The following CLPB variants were observed in gnomAD, a reference collection of about 807,000 sequenced individuals.
CLPB encodes the protein mitochondrial disaggregase.
Under a neutral mutation model 78.4 loss-of-function variants are expected in CLPB, and 40 were observed. The observed-to-expected ratio is 0.51, with a 90% CI of 0.40 to 0.66. CLPB has a LOEUF of 0.66. Ranked by LOEUF, CLPB falls within the 30% of genes least tolerant of loss-of-function variation. The probability of loss-of-function intolerance (pLI) is 0.00; values close to 1 mark genes in which losing one functional copy is unlikely to be tolerated. For missense variants in CLPB, 780 were observed against 886.9 expected, an observed-to-expected ratio of 0.88 and a Z score of 1.53; for synonymous variants, 333 against 348.0, an observed-to-expected ratio of 0.96 and a Z score of 0.48.
intron 6 of CLPB, among the ~76,000 whole-genome samples, chr11:72,321,603 A>G (rs1950045049): frequency 6.6e-6 from 1 of 152,162 alleles, no homozygotes; most frequent in Non-Finnish European, 1.5e-5. Context: ...CAGAAGGGAT[A>G]TGGCAGGCAT....
Position 72,433,437 on chromosome 11 carries a change from G to A in CLPB, c.403+635C>T, listed in dbSNP as rs544104423. Among the ~76,000 whole-genome samples, 5 of 152,126 alleles carry A rather than the reference G, an allele frequency of 3.3e-5. No homozygotes were observed. In the East Asian group the frequency reaches 7.7e-4, roughly 24 times the overall value. Reference sequence around the variant, plus strand: ...CACCTGTAGTCCCAGCTACTTGGGAGGCTAAGGCAGGAGAATAGCTTGAAC... The same window carrying A: ...CACCTGTAGTCCCAGCTACTTGGGAAGCTAAGGCAGGAGAATAGCTTGAAC... On this transcript the variant is annotated intron_variant, in intron 1 of 15. Coordinates refer to ENST00000538039, the MANE Select transcript of CLPB (RefSeq NM_001258392.3).
chr11:72,364,191 T>A (rs973769045), intron 4 of CLPB, among the ~76,000 whole-genome samples: 11 of 152,110 alleles, frequency 7.2e-5, no homozygotes, highest in African/African-American at 2.7e-4. Flanking sequence ...TCCAATTACT[T>A]TTTATTTATT....
At chr11:72,311,114 C>G (rs966337362) in intron 7 of CLPB, 1 of 152,050 alleles carries the variant, frequency 6.6e-6, no homozygotes, top group Non-Finnish European at 1.5e-5. Flanking sequence ...CTAATAATAT[C>G]TGAAGAGAAA....
chr11:72,292,174 T>TAG lies in CLPB; in HGVS notation c.*1191_*1192dup, dbSNP rs770596884. The TAG allele has an allele frequency of 2.0e-5, 3 of 152,192 alleles. No individual in the cohort carries two copies. The highest frequency in any genetic ancestry group is 4.4e-5 in the Non-Finnish European group (3 of 68,112). 9.4% of individuals were successfully genotyped at this position (152,192 alleles called of 1,614,324 possible). A position where few individuals can be genotyped will look rare whatever the true frequency, so the allele number is the denominator to read the frequency against. On this transcript the variant is annotated 3_prime_UTR_variant, in exon 16 of 16. Coordinates refer to ENST00000538039, the MANE Select transcript of CLPB (RefSeq NM_001258392.3). Reference sequence around the variant, plus strand: ...GACTGCCTCATACCCACCATACTGTTAGGACATGCTTCCATTACCCAAGGG... The same window carrying TAG: ...GACTGCCTCATACCCACCATACTGTTAGAGGACATGCTTCCATTACCCAAGGG...
chr11:72,342,444 T>A (rs934983002), intron 5 of CLPB, among the ~76,000 whole-genome samples: 1 of 151,968 alleles, frequency 6.6e-6, no homozygotes, highest in African/African-American at 2.4e-5. Flanking sequence ...GAAGTGAGGA[T>A]CCTTAGCTCA....
At chr11:72,390,447 G>A (rs1477707069) in intron 3 of CLPB, among the ~76,000 whole-genome samples, 21 of 96,282 alleles carry the variant, frequency 2.2e-4, no homozygotes, top group African/African-American at 4.3e-4. Context: ...AAAAAAAAAC[G>A]AAATAGAAAA....
chr11:72,331,159 C>T (rs950054889), intron 5 of CLPB, among the ~76,000 whole-genome samples: 3 of 151,898 alleles, frequency 2.0e-5, no homozygotes, highest in Non-Finnish European at 4.4e-5. Context: ...AATCTCAGCA[C>T]TTTGGGAGGC....
At chr11:72,404,845 T>G (rs534684241) in intron 2 of CLPB, among the ~76,000 whole-genome samples, 1 of 152,312 alleles carries the variant, frequency 6.6e-6, no homozygotes, top group South Asian at 2.1e-4. Flanking sequence ...ACCTCTAGTT[T>G]GGAGGATTTA....
intron 4 of CLPB, among the ~76,000 whole-genome samples, chr11:72,378,174 C>A (rs1854778380): frequency 6.6e-6 from 1 of 152,192 alleles, no homozygotes; most frequent in Non-Finnish European, 1.5e-5. Context: ...TGCTAGAATC[C>A]TGACAGCAGA....
At chr11:72,430,500 A>T in intron 1 of CLPB, 137 bp from the exon 2 acceptor site, 1 of 671,372 alleles carries the variant, frequency 1.5e-6, no homozygotes, top group Non-Finnish European at 2.5e-6. Context: ...ACAATATATA[A>T]TGAGAAACGA....
chr11:72,418,992 G>A (rs1856109913), intron 2 of CLPB, among the ~76,000 whole-genome samples: 1 of 152,148 alleles, frequency 6.6e-6, no homozygotes, highest in South Asian at 2.1e-4. Context: ...GGAACACAAA[G>A]GAGGCAGGAC....
At chr11:72,433,550 A>C (rs1856609322) in intron 1 of CLPB, among the ~76,000 whole-genome samples, 1 of 120,342 alleles carries the variant, frequency 8.3e-6, no homozygotes, top group African/African-American at 3.6e-5. Flanking sequence ...GAAATAAATA[A>C]ATAAATAAAT....
intron 3 of CLPB, among the ~76,000 whole-genome samples, chr11:72,384,386 G>C (rs1855015766): frequency 6.6e-6 from 1 of 152,056 alleles, no homozygotes; most frequent in South Asian, 2.1e-4. Flanking sequence ...TTTGTGGCGG[G>C]TATGGAATAA....
At position 72,295,566 on chromosome 11, in the gene CLPB, T is replaced by C; in HGVS notation, c.1412A>G (p.Glu471Gly). ...FIMTSNVASD[E>G]IAQHALQLRQ... Reference sequence around the variant, plus strand: ...CAGCTGCAGCGCGTGCTGTGCGATCTCGTCGCTGGCCACATTGGAGGTCAT... The same window carrying C: ...CAGCTGCAGCGCGTGCTGTGCGATCCCGTCGCTGGCCACATTGGAGGTCAT... Residue 471 changes from glutamate (E) to glycine (G), a missense_variant, in exon 12 of 16, where the codon GAG becomes GGG. Physicochemically the swap from Glu to Gly is moderately conservative, Grantham distance 98. Transcript: ENST00000538039. 1.2e-6 allele frequency: 2 copies of C among 1,614,182 alleles called. No homozygotes were observed. Among genetic ancestry groups the C allele is most frequent in the Non-Finnish European group, 1.7e-6 (2 of 1,180,026 alleles).
chr11:72,307,536 C>T (rs899530035), intron 8 of CLPB, among the ~76,000 whole-genome samples: 5 of 152,032 alleles, frequency 3.3e-5, no homozygotes, highest in African/African-American at 1.2e-4. Context: ...CTTTATAATC[C>T]AGAACCAACT....
At chr11:72,329,103 T>C (rs934966717) in intron 6 of CLPB, among the ~76,000 whole-genome samples, 2 of 152,238 alleles carry the variant, frequency 1.3e-5, no homozygotes, top group African/African-American at 4.8e-5. Context: ...TTCTGTCCAG[T>C]AGTTCCTGAG....
At chr11:72,300,407 T>A (rs1949634658) in intron 11 of CLPB, among the ~76,000 whole-genome samples, 1 of 152,184 alleles carries the variant, frequency 6.6e-6, no homozygotes, top group East Asian at 1.9e-4. Context: ...TGGTCATAGC[T>A]GTGCACTTGA....
Position 72,286,231 on chromosome 11 carries a change from T to TTTTTTTTTTTTTTTTTTTTTG in CLPB, c.*7135_*7136insCAAAAAAAAAAAAAAAAAAAA, listed in dbSNP as rs1565413667. ...TGTGAGATACTGCACCTGTTTTTTT[T>TTTTTTTTTTTTTTTTTTTTTG]TTTTTTTTTTTTTTTAAGAGATAGG... On this transcript the variant is annotated 3_prime_UTR_variant, in exon 16 of 16. Coordinates refer to ENST00000538039, the MANE Select transcript of CLPB (RefSeq NM_001258392.3). 1 of 134,126 alleles carries TTTTTTTTTTTTTTTTTTTTTG rather than the reference T, an allele frequency of 7.5e-6. No individual in the cohort carries two copies. Among genetic ancestry groups the TTTTTTTTTTTTTTTTTTTTTG allele is most frequent in the Non-Finnish European group, 1.6e-5 (1 of 62,508 alleles). 8.3% of individuals were successfully genotyped at this position (134,126 alleles called of 1,614,324 possible).
At chr11:72,316,786 A>G (rs1030860145) in intron 7 of CLPB, among the ~76,000 whole-genome samples, 1 of 152,142 alleles carries the variant, frequency 6.6e-6, no homozygotes, top group Non-Finnish European at 1.5e-5. Flanking sequence ...TGAAAAATGG[A>G]GTTGAGGGTA....
Sources: allele counts gnomAD v4.1 joint callset (sites outside exome capture counted in the v4.1 genomes callset), GRCh38; gene constraint gnomAD v4.1.1; transcripts MANE v1.5; gene names NCBI Gene and HGNC (gene_info 2026-07-23, HGNC 2026-07-21).